Variants in DCC observed in about 807,000 individuals in gnomAD.
The protein encoded by DCC is netrin receptor DCC.
A neutral mutation model predicts 172.5 loss-of-function variants in DCC; 58 were observed. The observed-to-expected ratio is 0.34, with a 90% confidence interval of 0.27 to 0.42. DCC has a LOEUF of 0.42. Among genes scored for constraint, DCC ranks in the 10% least tolerant of loss-of-function variants. DCC has a pLI of 1.00. For synonymous variants in DCC, 709 were observed against 644.5 expected, an observed-to-expected ratio of 1.10 and a Z score of -1.52; for missense variants, 1,740 against 1,791.0, an observed-to-expected ratio of 0.97 and a Z score of 0.51.
chr18:53,473,360 G>A (rs2134296), intron 25 of DCC, among the ~76,000 whole-genome samples: 34,873 of 151,902 alleles, frequency 0.23, 4,583 homozygotes, highest in East Asian at 0.4. Flanking sequence ...AATATCTGTC[G>A]AATGAAAAAA....
intron 16 of DCC, among the ~76,000 whole-genome samples, chr18:53,388,947 G>A (rs953031331): frequency 1.3e-5 from 2 of 151,992 alleles, no homozygotes; most frequent in African/African-American, 4.8e-5. Context: ...ACTATACCTG[G>A]TATTTTTTGT....
At chr18:52,983,206 G>A (rs1273868604) in intron 5 of DCC, among the ~76,000 whole-genome samples, 1 of 152,114 alleles carries the variant, frequency 6.6e-6, no homozygotes, top group Admixed American at 6.5e-5. Context: ...TTTCCTAGAG[G>A]AGACACCAGA....
At chr18:52,785,439 T>C in intron 2 of DCC, among the ~76,000 whole-genome samples, 1 of 152,082 alleles carries the variant, frequency 6.6e-6, no homozygotes, top group East Asian at 1.9e-4. Flanking sequence ...TTAAGTCCTA[T>C]ATCATTCCAC....
At chr18:53,034,700 C>CT (rs35411231) in intron 5 of DCC, among the ~76,000 whole-genome samples, 391 of 147,092 alleles carry the variant, frequency 2.7e-3, no homozygotes, top group Non-Finnish European at 3.4e-3. Flanking sequence ...TCTGCTCCAA[C>CT]TTTTTTTTTT....
intron 7 of DCC, among the ~76,000 whole-genome samples, chr18:53,154,532 G>T (rs2054696835): frequency 6.6e-6 from 1 of 152,164 alleles, no homozygotes; most frequent in Non-Finnish European, 1.5e-5. Flanking sequence ...TCTGGATGCT[G>T]CACAGAGAAT....
At chr18:52,798,548 G>T (rs955596158) in intron 2 of DCC, among the ~76,000 whole-genome samples, 2 of 148,096 alleles carry the variant, frequency 1.4e-5, no homozygotes, top group Admixed American at 1.3e-4. Context: ...GTTTTTCTTT[G>T]TTAAAAAATA....
chr18:53,368,124 C>T (rs1386324612), intron 15 of DCC, among the ~76,000 whole-genome samples: 6 of 152,066 alleles, frequency 3.9e-5, no homozygotes, highest in Non-Finnish European at 1.5e-5. Flanking sequence ...TTTTCAATAG[C>T]AGCCATCCTG....
intron 12 of DCC, among the ~76,000 whole-genome samples, chr18:53,254,546 A>G (rs979747289): frequency 6.6e-6 from 1 of 152,096 alleles, no homozygotes; most frequent in African/African-American, 2.4e-5. Flanking sequence ...ATTCCTGGGA[A>G]TACTTGTCCT....
At position 53,486,906 on chromosome 18, in the gene DCC, G is replaced by A; in HGVS notation, c.3846G>A (p.Val1282=). ...YPHPQFTLRP[V]PFPTLSVDRG... is the part of the protein sequence containing the mutation. ...ACCCGCAGTTCACTCTCCGGCCTGTGCCATTCCCAACACTCTCAGTGGACC... is the reference window on the plus strand; with the variant it reads ...ACCCGCAGTTCACTCTCCGGCCTGTACCATTCCCAACACTCTCAGTGGACC... The change falls in exon 26 of 29, where the codon GTG becomes GTA. Residue 1282 remains valine (V), a synonymous_variant. Coordinates refer to ENST00000442544, the MANE Select transcript of DCC (RefSeq NM_005215.4). 1 of 1,614,188 alleles carries A rather than the reference G, an allele frequency of 6.2e-7. No individual in the cohort carries two copies. Among genetic ancestry groups the A allele is most frequent in the Non-Finnish European group, 8.5e-7 (1 of 1,180,044 alleles).
chr18:52,361,054 C>A (rs72916921), intron 1 of DCC, among the ~76,000 whole-genome samples: 1 of 152,036 alleles, frequency 6.6e-6, no homozygotes, highest in Non-Finnish European at 1.5e-5. Flanking sequence ...GTCACAGCAG[C>A]GCAAAGTGAT....
intron 19 of DCC, among the ~76,000 whole-genome samples, chr18:53,407,826 C>G (rs1162705693): frequency 6.6e-6 from 1 of 151,736 alleles, no homozygotes; most frequent in Non-Finnish European, 1.5e-5. Context: ...GAATATGAGG[C>G]AATTTTATTG....
At chr18:53,188,161 T>A (rs1214130340) in intron 9 of DCC, among the ~76,000 whole-genome samples, 2 of 152,146 alleles carry the variant, frequency 1.3e-5, no homozygotes, top group African/African-American at 4.8e-5. Context: ...TTTAAGATAG[T>A]AGATTCCAAC....
intron 7 of DCC, among the ~76,000 whole-genome samples, chr18:53,078,812 C>T (rs72917325): frequency 6.6e-6 from 1 of 151,898 alleles, no homozygotes; most frequent in Non-Finnish European, 1.5e-5. Context: ...TCTAGATGAT[C>T]GTCTATGATG....
At chr18:53,380,398 TAA>T (rs1907626457) in intron 15 of DCC, among the ~76,000 whole-genome samples, 1 of 152,128 alleles carries the variant, frequency 6.6e-6, no homozygotes, top group Non-Finnish European at 1.5e-5. Context: ...CATCACAATA[TAA>T]AAGGATATCA....
chr18:52,668,444 C>T (rs1013494940), intron 1 of DCC, among the ~76,000 whole-genome samples: 2 of 152,038 alleles, frequency 1.3e-5, no homozygotes, highest in Admixed American at 6.6e-5. Context: ...AGAGAAAAAT[C>T]GGCAAAAGAA....
At chr18:52,989,442 G>C (rs1464178151) in intron 5 of DCC, among the ~76,000 whole-genome samples, 1 of 152,072 alleles carries the variant, frequency 6.6e-6, no homozygotes, top group Admixed American at 6.5e-5. Context: ...AGAATCACTT[G>C]AACCTGGGAG....
intron 1 of DCC, among the ~76,000 whole-genome samples, chr18:52,508,267 T>A (rs2031306991): frequency 6.6e-6 from 1 of 152,206 alleles, no homozygotes; most frequent in Non-Finnish European, 1.5e-5. Context: ...AGGATCTCCT[T>A]GTTTTAGTGT....
chr18:52,876,971 G>T (rs2039412662), intron 2 of DCC, among the ~76,000 whole-genome samples: 1 of 152,090 alleles, frequency 6.6e-6, no homozygotes, highest in African/African-American at 2.4e-5. Context: ...TTGAATTTCA[G>T]ATAAACAATG....
chr18:53,432,503 T>A (rs962371735), intron 21 of DCC, among the ~76,000 whole-genome samples: 11 of 152,180 alleles, frequency 7.2e-5, no homozygotes, highest in Admixed American at 2.6e-4. Context: ...TGACTTTCAC[T>A]CCAGCTGTTT....
Sources: gnomAD v4.1 joint callset for allele counts (sites outside exome capture counted in the v4.1 genomes callset) on GRCh38, gnomAD v4.1.1 for gene constraint, MANE v1.5 for transcripts, NCBI Gene and HGNC (gene_info 2026-07-23, HGNC 2026-07-21) for gene names.